Variants in GALNT13 observed in about 807,000 individuals in gnomAD.
GALNT13 encodes UDP-GalNAc:polypeptide N-acetylgalactosaminyltransferase 13.
In GALNT13, 28 loss-of-function variants were observed where a neutral mutation model predicts 64.2. The observed-to-expected ratio is 0.44, with a 90% CI of 0.32 to 0.60. The LOEUF (loss-of-function observed/expected upper bound fraction) is 0.60, where lower values mean the gene tolerates loss of function less well. Ranked by LOEUF, GALNT13 falls within the 20% of genes least tolerant of loss-of-function variation. GALNT13 has a pLI of 0.05. For synonymous variants in GALNT13, 214 were observed against 224.6 expected (o/e 0.95, Z 0.42); for missense variants, 577 against 669.8 (o/e 0.86, Z 1.53).
intron 3 of GALNT13, among the ~76,000 whole-genome samples, chr2:153,974,293 G>C (rs555599100): frequency 1.3e-5 from 2 of 152,202 alleles, no homozygotes; most frequent in South Asian, 4.1e-4. Flanking sequence ...AATATTTGCT[G>C]TATAGTGGTT....
intron 3 of GALNT13, among the ~76,000 whole-genome samples, chr2:154,002,116 A>T (rs115452678): frequency 6.6e-6 from 1 of 152,108 alleles, no homozygotes; most frequent in African/African-American, 2.4e-5. Flanking sequence ...TTCAATTTTT[A>T]ATAATTTAAT....
At chr2:153,500,250 C>T in the GALNT13 span, among the ~76,000 whole-genome samples, 13 of 152,238 alleles carry the variant, frequency 8.5e-5, no homozygotes, top group African/African-American at 3.1e-4. Context: ...GTTCCATTTG[C>T]ATGACCATTT....
At chr2:153,255,117 G>T in the GALNT13 span, among the ~76,000 whole-genome samples, 1 of 151,814 alleles carries the variant, frequency 6.6e-6, no homozygotes, top group South Asian at 2.1e-4. Flanking sequence ...TCTCTTTGTA[G>T]GTCACTCAGG....
the GALNT13 span, among the ~76,000 whole-genome samples, chr2:153,192,750 CTTCT>C: frequency 4.6e-5 from 7 of 151,800 alleles, no homozygotes; most frequent in Admixed American, 2.0e-4. Flanking sequence ...ATGTTATGAC[CTTCT>C]TTGTCTCTTT....
the GALNT13 span, among the ~76,000 whole-genome samples, chr2:153,711,167 A>G: frequency 6.6e-6 from 1 of 152,154 alleles, no homozygotes; most frequent in Non-Finnish European, 1.5e-5. Context: ...TGAAAGAGTC[A>G]TTTATCAAAA....
At chr2:153,282,026 C>G in the GALNT13 span, among the ~76,000 whole-genome samples, 1 of 151,900 alleles carries the variant, frequency 6.6e-6, no homozygotes, top group Non-Finnish European at 1.5e-5. Flanking sequence ...TTCCTTCTCT[C>G]TCATGAATGG....
At chr2:154,105,509 T>TGGATTATCATAATTTTTATTAAA (rs1163837647) in intron 3 of GALNT13, among the ~76,000 whole-genome samples, 1 of 152,142 alleles carries the variant, frequency 6.6e-6, no homozygotes, top group Non-Finnish European at 1.5e-5. Context: ...TTGCGACAGG[T>TGGATTATCATAATTTTTATTAAA]TATACCATAT....
chr2:154,086,952 C>A (rs1701560623), intron 3 of GALNT13, among the ~76,000 whole-genome samples: 1 of 151,944 alleles, frequency 6.6e-6, no homozygotes, highest in African/African-American at 2.4e-5. Flanking sequence ...CTGTTGCCAT[C>A]ATTTTTTTTT....
chr2:153,649,912 G>T, the GALNT13 span, among the ~76,000 whole-genome samples: 1 of 152,076 alleles, frequency 6.6e-6, no homozygotes, highest in Non-Finnish European at 1.5e-5. Flanking sequence ...GAATAGGTGT[G>T]GTGTAGTGTT....
At chr2:154,192,676 G>A (rs979485151) in intron 4 of GALNT13, among the ~76,000 whole-genome samples, 1 of 152,030 alleles carries the variant, frequency 6.6e-6, no homozygotes, top group African/African-American at 2.4e-5. Flanking sequence ...CTGGTAATTT[G>A]TTTGTTTTAG....
At chr2:153,540,358 T>C in the GALNT13 span, among the ~76,000 whole-genome samples, 24 of 152,214 alleles carry the variant, frequency 1.6e-4, no homozygotes, top group Non-Finnish European at 2.8e-4. Context: ...AGAGGATGTA[T>C]GGAAACATCT....
At chr2:153,713,772 C>G in the GALNT13 span, among the ~76,000 whole-genome samples, 1 of 152,240 alleles carries the variant, frequency 6.6e-6, no homozygotes, top group African/African-American at 2.4e-5. Context: ...GCGTGAGCCA[C>G]TACGCCTAGC....
rs150702631 is a variant in GALNT13 at position 153,961,617 on chromosome 2, C to T, written c.142+16978C>T. Among the ~76,000 whole-genome samples, 372 of 151,804 alleles carry T rather than the reference C, an allele frequency of 2.5e-3. 9 individuals carry two copies. In the East Asian group the frequency reaches 0.056, roughly 23 times the overall value. On this transcript the variant is annotated intron_variant, in intron 3 of 12. Coordinates refer to ENST00000392825, the MANE Select transcript of GALNT13 (RefSeq NM_052917.4). ...AATTACAATGAAAAAATTAGCAGACCCAACTTCATAGTTGAGTATTTAGCA... is the reference window on the plus strand; with the variant it reads ...AATTACAATGAAAAAATTAGCAGACTCAACTTCATAGTTGAGTATTTAGCA...
At chr2:153,567,869 T>C in the GALNT13 span, among the ~76,000 whole-genome samples, 1 of 152,228 alleles carries the variant, frequency 6.6e-6, no homozygotes, top group Non-Finnish European at 1.5e-5. Context: ...ATAGAATATT[T>C]TTAAAAGTCT....
intron 9 of GALNT13, among the ~76,000 whole-genome samples, chr2:154,347,559 A>T (rs1195925642): frequency 6.6e-6 from 1 of 152,050 alleles, no homozygotes; most frequent in Non-Finnish European, 1.5e-5. Flanking sequence ...TTTTTTCTCA[A>T]CTGTCTTTGC....
At chr2:154,354,622 T>TC (rs1696621148) in intron 9 of GALNT13, among the ~76,000 whole-genome samples, 1 of 151,824 alleles carries the variant, frequency 6.6e-6, no homozygotes, top group Non-Finnish European at 1.5e-5. Flanking sequence ...TCTCACTTTT[T>TC]TTTTTTTTGA....
At chr2:153,114,019 G>GT in the GALNT13 span, among the ~76,000 whole-genome samples, 703 of 152,174 alleles carry the variant, frequency 4.6e-3, 3 homozygotes, top group African/African-American at 0.016. Context: ...CAGCCATTTA[G>GT]TTGCCCAACC....
chr2:154,167,956 G>A (rs1020644458), intron 4 of GALNT13, among the ~76,000 whole-genome samples: 3 of 152,198 alleles, frequency 2.0e-5, no homozygotes, highest in Admixed American at 2.0e-4. Context: ...TTTCACATGG[G>A]AAGGGTACTT....
chr2:154,370,721 G>A (rs1350294198), intron 9 of GALNT13, among the ~76,000 whole-genome samples: 2 of 152,178 alleles, frequency 1.3e-5, no homozygotes, highest in Non-Finnish European at 2.9e-5. Flanking sequence ...GTGTCAAATA[G>A]GCAGACTTAT....
Sources: gnomAD v4.1 joint callset for allele counts (sites outside exome capture counted in the v4.1 genomes callset) on GRCh38, gnomAD v4.1.1 for gene constraint, MANE v1.5 for transcripts, NCBI Gene and HGNC (gene_info 2026-07-23, HGNC 2026-07-21) for gene names.